The following KIF5B variants were observed in gnomAD, a reference collection of about 807,000 sequenced individuals.
KIF5B encodes the protein kinesin family member 5B.
A neutral mutation model predicts 132.8 loss-of-function variants in KIF5B; 49 were observed. That is an observed-to-expected ratio of 0.37 (90% confidence interval 0.29 to 0.47). The LOEUF is 0.47. KIF5B is among the 20% of genes least tolerant of loss of function. The probability of loss-of-function intolerance (pLI) is 1.00; values close to 1 mark genes in which losing one functional copy is unlikely to be tolerated. For synonymous variants in KIF5B, 355 were observed against 369.4 expected, an observed-to-expected ratio of 0.96 and a Z score of 0.45; for missense variants, 780 against 1,144.0, an observed-to-expected ratio of 0.68 and a Z score of 4.59.
chr10:32,025,835 T>TA (rs1452497317), intron 15 of KIF5B, among the ~76,000 whole-genome samples: 4 of 152,246 alleles, frequency 2.6e-5, no homozygotes, highest in Non-Finnish European at 5.9e-5. Flanking sequence ...GGAAGAATCT[T>TA]AAATGCATAC....
chr10:32,040,116 C>CA (rs975752670), intron 3 of KIF5B, among the ~76,000 whole-genome samples: 3 of 152,120 alleles, frequency 2.0e-5, no homozygotes, highest in Non-Finnish European at 4.4e-5. Flanking sequence ...AACAGGGTGA[C>CA]AAAAAATTCT....
rs766720739 is a variant in KIF5B at position 32,028,519 on chromosome 10, T to G, written c.1634A>C (p.Asn545Thr). 2.1e-5 allele frequency: 34 copies of G among 1,614,070 alleles called. No homozygotes were observed. The highest frequency in any genetic ancestry group is 3.3e-4 in the Middle Eastern group (2 of 6,062). The change falls in exon 15 of 26, where the codon AAC becomes ACC. Residue 545 changes from asparagine (N) to threonine (T), a missense_variant. Asn to Thr is a moderately conservative substitution (Grantham distance 65). Coordinates refer to ENST00000302418, the MANE Select transcript of KIF5B (RefSeq NM_004521.3). Reference protein sequence around the residue: ...AELQKLKEMTNHQKKRAAEMM... With the variant: ...AELQKLKEMTTHQKKRAAEMM... ...CTCAGCTGCTCGTTTTTTCTGGTGG[T>G]TGGTCATTTCCTTAAGTTTCTGAAG...
chr10:32,033,108 C>T (rs1053463754), intron 12 of KIF5B, among the ~76,000 whole-genome samples: 4 of 152,178 alleles, frequency 2.6e-5, no homozygotes, highest in Non-Finnish European at 4.4e-5. Context: ...ATTATTCATA[C>T]TATTGACATT....
rs565048734 is a variant in KIF5B at position 32,033,954 on chromosome 10, G to C, written c.1196C>G (p.Thr399Ser). ...AFTVDKDITL[T>S]NDKPATAIGV... ...AATTGCGGTTGCTGGTTTATCATTG[G>C]TAAGAGTAATATCTTTATCCACTGT... Residue 399 changes from threonine to serine, a missense_variant, in exon 12 of 26, where the codon ACC (threonine) becomes AGC (serine). By Grantham distance (58) the Thr-to-Ser change is moderately conservative (BLOSUM62 1). Around this residue, in one of 9 missense-constraint regions of KIF5B, gnomAD observed 471 missense variants for 569.9 expected, o/e 0.83. Transcript: ENST00000302418. 7.4e-6 allele frequency: 12 copies of C among 1,611,764 alleles called. No individual in the cohort carries two copies. The highest frequency in any genetic ancestry group is 1.0e-5 in the Non-Finnish European group (12 of 1,178,344).
intron 2 of KIF5B, among the ~76,000 whole-genome samples, chr10:32,046,216 C>T (rs1488914311): frequency 2.0e-5 from 3 of 152,130 alleles, no homozygotes; most frequent in Non-Finnish European, 4.4e-5. Flanking sequence ...CCCATGAATT[C>T]ATGAATCGGT....
chr10:32,028,806 G>C (rs1037366135), intron 14 of KIF5B, among the ~76,000 whole-genome samples: 1 of 152,118 alleles, frequency 6.6e-6, no homozygotes, highest in African/African-American at 2.4e-5. Context: ...AGAGCAGGCA[G>C]TTTCTGTTAT....
intron 1 of KIF5B, among the ~76,000 whole-genome samples, chr10:32,054,169 C>T (rs1841725570): frequency 6.6e-6 from 1 of 152,234 alleles, no homozygotes; most frequent in African/African-American, 2.4e-5. Flanking sequence ...GTGCCAACCA[C>T]TGCAGAAGCT....
chr10:32,015,617 G>C lies in KIF5B; in HGVS notation c.2804C>G (p.Thr935Ser). 6.2e-7 allele frequency: 1 copy of C among 1,613,646 alleles called. No homozygotes were observed. ...RPGQHPAASP[T>S]HPSAIRGGGA... ...TCCTCCACGAATTGCACTTGGGTGAGTTGGAGAAGCTGCTGGATGTTGCCC... is the reference window on the plus strand; with the variant it reads ...TCCTCCACGAATTGCACTTGGGTGACTTGGAGAAGCTGCTGGATGTTGCCC... The change falls in exon 25 of 26, where the codon ACT becomes AGT. Residue 935 changes from threonine (T) to serine (S), a missense_variant. Thr to Ser is a moderately conservative substitution (Grantham distance 58). Around this residue, in one of 9 missense-constraint regions of KIF5B, gnomAD observed 90 missense variants for 101.8 expected, o/e 0.88. Coordinates refer to ENST00000302418, the MANE Select transcript of KIF5B (RefSeq NM_004521.3).
intron 14 of KIF5B, among the ~76,000 whole-genome samples, chr10:32,029,914 T>G (rs943036500): frequency 1.1e-4 from 16 of 152,212 alleles, no homozygotes; most frequent in African/African-American, 3.9e-4. Flanking sequence ...TCAAGCTAAC[T>G]GTAACTTTGT....
In KIF5B at chr10:32,056,239, C is replaced by T. The variant is rs1207794372; in HGVS notation, c.-266G>A. On this transcript the variant is annotated 5_prime_UTR_variant, in exon 1 of 26. Coordinates refer to ENST00000302418, the MANE Select transcript of KIF5B (RefSeq NM_004521.3). ...GCGGCGGCACCGGGGAGAGCGTCCG[C>T]GGCTCCTCAGCGTCCCCCTTTACGG... The T allele has an allele frequency of 5.4e-5, 24 of 441,312 alleles. 1 individual carries two copies. The Admixed American group carries it at 1.1e-3, about 20-fold the overall frequency. The allele number at this position is 441,312 out of a possible 1,614,324, so 27.3% of individuals were successfully genotyped here.
chr10:32,034,560 T>A (rs985649794), intron 11 of KIF5B, 130 bp downstream of exon 11: 26 of 609,054 alleles, frequency 4.3e-5, no homozygotes, highest in Admixed American at 8.4e-5. Context: ...TTAATTTTTT[T>A]AAAAATTATT....
At chr10:32,022,354 T>A (rs1321730040) in intron 16 of KIF5B, 97 bp from the exon 17 acceptor site, 1 of 641,702 alleles carries the variant, frequency 1.6e-6, no homozygotes, top group African/African-American at 1.8e-5. Context: ...TATGATAAAT[T>A]TGGGAATATT....
intron 2 of KIF5B, 89 bp from the exon 3 acceptor site, chr10:32,040,546 G>A (rs965899598): frequency 4.1e-6 from 3 of 734,160 alleles, no homozygotes; most frequent in Non-Finnish European, 7.1e-6. Context: ...ACAGGGTAGA[G>A]AAAAGGTTAA....
At position 32,022,850 on chromosome 10, in the gene KIF5B, G is replaced by A; in HGVS notation, c.1912C>T (p.Gln638Ter). ...ELAACQLRIS[Q>*]HEAKIKSLTE... ...ATAAACTTTGTTCTATAACATACTT[G>A]AGAGATACGAAGCTGACATGCTGCT... The change falls in exon 16 of 26, where the codon CAA (glutamine) becomes TAA (stop). Residue 638 changes from glutamine to a stop codon, truncating the protein, a stop_gained and splice_region_variant. Coordinates refer to ENST00000302418, the MANE Select transcript of KIF5B (RefSeq NM_004521.3). LOFTEE classifies it high-confidence loss of function. The A allele has an allele frequency of 6.2e-7, 1 of 1,600,094 alleles. No individual in the cohort carries two copies. Among genetic ancestry groups the A allele is most frequent in the Non-Finnish European group, 8.5e-7 (1 of 1,170,328 alleles).
chr10:32,031,015 TTTAGG>T (rs1841396773), intron 14 of KIF5B, 53 bp downstream of exon 14: 1 of 1,242,334 alleles, frequency 8.0e-7, no homozygotes, highest in Non-Finnish European at 1.1e-6. Context: ...TTAAGTAGTT[TTTAGG>T]TTAAGAATAC....
In KIF5B at chr10:32,051,453, T is replaced by G. The variant is rs140972387; in HGVS notation, c.127-2902A>C. 3.4e-4 allele frequency among the ~76,000 whole-genome samples: 52 copies of G among 152,308 alleles called. No individual in the cohort carries two copies. In the East Asian group the frequency reaches 9.8e-3, roughly 29 times the overall value. ...AACAGCTTCATAATAGTAAACAGTT[T>G]TAATAGTAAAGCCTGCCTTCAGAAG... On this transcript the variant is annotated intron_variant, in intron 1 of 25. Coordinates refer to ENST00000302418, the MANE Select transcript of KIF5B (RefSeq NM_004521.3).
chr10:32,022,144 T>A lies in KIF5B; in HGVS notation c.2028A>T (p.Ala676=), dbSNP rs1439358506. ...ALSEELVQLR[A]QEKVHEMEKE... ...ATAAACAGTTGGAAGCTATACCTTGTGCTCGAAGCTGGACTAGTTCTTCAC... is the reference window on the plus strand; with the variant it reads ...ATAAACAGTTGGAAGCTATACCTTGAGCTCGAAGCTGGACTAGTTCTTCAC... The change falls in exon 17 of 26, where the codon GCA becomes GCT. Residue 676 remains alanine, a synonymous_variant. Coordinates refer to ENST00000302418, the MANE Select transcript of KIF5B (RefSeq NM_004521.3). The A allele has an allele frequency of 6.5e-7, 1 of 1,530,646 alleles. No individual in the cohort carries two copies. Among genetic ancestry groups the A allele is most frequent in the Non-Finnish European group, 9.0e-7 (1 of 1,109,794 alleles). The allele number at this position is 1,530,646 out of a possible 1,614,324, so 94.8% of individuals were successfully genotyped here.
Position 32,048,550 on chromosome 10 carries a change from G to T in KIF5B, c.128C>A (p.Ser43Tyr). 2 of 1,612,130 alleles carry T rather than the reference G, an allele frequency of 1.2e-6. No individual in the cohort carries two copies. Among genetic ancestry groups the T allele is most frequent in the South Asian group, 2.2e-5 (2 of 90,836 alleles). The part of the protein sequence containing the change: ...FQGEDTVVIA[S>Y]KPYAFDRVFQ... ...CACCCGATCAAATGCATAAGGCTTG[G>T]ACTGAAAAACAAAAAAGTGTTTCAA... The change falls in exon 2 of 26, where the codon TCC (serine) becomes TAC (tyrosine). Residue 43 changes from serine (S) to tyrosine (Y), a missense_variant and splice_region_variant. Ser to Tyr is a moderately radical substitution (Grantham distance 144). Transcript: ENST00000302418.
At chr10:32,034,548 T>G (rs747422864) in intron 11 of KIF5B, 142 bp downstream of exon 11, 1 of 545,292 alleles carries the variant, frequency 1.8e-6, no homozygotes, top group Admixed American at 4.2e-5. Flanking sequence ...CCAGGATTTC[T>G]ATTAATTTTT....
Sources: gnomAD v4.1 joint callset for allele counts (sites outside exome capture counted in the v4.1 genomes callset) on GRCh38, gnomAD v4.1.1 for gene constraint, gnomAD v4.1.1 regional missense constraint, MANE v1.5 for transcripts, NCBI Gene and HGNC (gene_info 2026-07-23, HGNC 2026-07-21) for gene names.